Variants in PARVA observed in about 807,000 individuals in gnomAD.
PARVA encodes the protein parvin alpha.
PARVA carries 25 observed loss-of-function variants against 52.6 expected under a neutral mutation model. The observed-to-expected ratio is 0.48, with a 90% CI of 0.35 to 0.66. PARVA has a LOEUF of 0.66. Ranked by LOEUF, PARVA falls within the 30% of genes least tolerant of loss-of-function variation. The pLI is 0.01. For synonymous variants in PARVA, 185 were observed against 179.1 expected (o/e 1.03, Z -0.26); for missense variants, 373 against 450.9 (o/e 0.83, Z 1.56).
intron 7 of PARVA, among the ~76,000 whole-genome samples, chr11:12,509,791 C>G (rs1254579374): frequency 1.3e-5 from 2 of 152,250 alleles, no homozygotes; most frequent in Non-Finnish European, 1.5e-5. Flanking sequence ...ATCTATAGGG[C>G]ACACCTTGGC....
intron 3 of PARVA, among the ~76,000 whole-genome samples, chr11:12,474,607 C>T (rs749449526): frequency 7.2e-5 from 11 of 152,170 alleles, no homozygotes; most frequent in Admixed American, 5.9e-4. Context: ...CCAAGGCGGG[C>T]GGATCACTTG....
At chr11:12,495,275 T>C (rs1941285650) in intron 4 of PARVA, among the ~76,000 whole-genome samples, 1 of 152,154 alleles carries the variant, frequency 6.6e-6, no homozygotes, top group African/African-American at 2.4e-5. Flanking sequence ...AATTCGCAAA[T>C]CCACAGAACC....
chr11:12,525,124 A>G (rs1234868612), intron 12 of PARVA, among the ~76,000 whole-genome samples: 1 of 152,146 alleles, frequency 6.6e-6, no homozygotes, highest in Admixed American at 6.5e-5. Flanking sequence ...ATAGTGAGGG[A>G]GGCAGTGTGG....
intron 1 of PARVA, among the ~76,000 whole-genome samples, chr11:12,436,044 G>A (rs1259316179): frequency 6.6e-6 from 1 of 151,966 alleles, no homozygotes; most frequent in African/African-American, 2.4e-5. Flanking sequence ...GGATGGTCTC[G>A]ATCTCCTGAC....
chr11:12,464,913 G>T (rs1295296265), intron 1 of PARVA, among the ~76,000 whole-genome samples: 2 of 152,128 alleles, frequency 1.3e-5, no homozygotes, highest in Admixed American at 6.5e-5. Context: ...TTGGGTCGGG[G>T]TTAGTTTCGG....
chr11:12,447,553 G>C (rs1447320008), intron 1 of PARVA, among the ~76,000 whole-genome samples: 4 of 152,182 alleles, frequency 2.6e-5, no homozygotes, highest in Non-Finnish European at 5.9e-5. Flanking sequence ...TGGGACAGCA[G>C]CTCCCATAAA....
At chr11:12,513,260 C>A in intron 8 of PARVA, 39 bp from the exon 9 acceptor site, 2 of 1,598,070 alleles carry the variant, frequency 1.3e-6, no homozygotes, top group Non-Finnish European at 1.7e-6. Context: ...TGCCAGGGAT[C>A]AGCTCTTGTG....
chr11:12,393,044 G>GAAAAAAAAAAA (rs60966710), intron 1 of PARVA, among the ~76,000 whole-genome samples: 5 of 46,126 alleles, frequency 1.1e-4, no homozygotes, highest in Non-Finnish European at 2.0e-4. Flanking sequence ...CCCAAATTGT[G>GAAAAAAAAAAA]AAAAAAAAAA....
intron 1 of PARVA, among the ~76,000 whole-genome samples, chr11:12,439,333 A>G (rs1940430076): frequency 6.6e-6 from 1 of 152,224 alleles, no homozygotes. Flanking sequence ...CTATCTCTAT[A>G]GACTTTGGTA....
At chr11:12,472,928 G>T (rs758028148) in intron 1 of PARVA, among the ~76,000 whole-genome samples, 1 of 152,184 alleles carries the variant, frequency 6.6e-6, no homozygotes, top group Non-Finnish European at 1.5e-5. Flanking sequence ...TTGTACTAAG[G>T]CTCCATGTGG....
chr11:12,527,890 T>C lies in PARVA; in HGVS notation c.1084T>C (p.Tyr362His), dbSNP rs1393029237. Residue 362 changes from tyrosine to histidine, a missense_variant, in exon 13 of 13, where the codon TAC (tyrosine) becomes CAC (histidine). Transcript: ENST00000334956. ...CCTGAAATCTACACTACGAGTGTTG[T>C]ACAACCTCTTCACCAAGTACCGTAA... Reference protein sequence around the residue: ...CDLKSTLRVLYNLFTKYRNVE With the variant: ...CDLKSTLRVLHNLFTKYRNVE 6.2e-7 allele frequency: 1 copy of C among 1,613,340 alleles called. No individual in the cohort carries two copies. Among genetic ancestry groups the C allele is most frequent in the Admixed American group, 1.7e-5 (1 of 60,014 alleles).
intron 1 of PARVA, among the ~76,000 whole-genome samples, chr11:12,451,966 T>C (rs1401469778): frequency 6.6e-6 from 1 of 152,024 alleles, no homozygotes; most frequent in Non-Finnish European, 1.5e-5. Flanking sequence ...GATTCCTCCT[T>C]CTAGGGCTTT....
At chr11:12,385,046 C>A (rs1939551738) in intron 1 of PARVA, among the ~76,000 whole-genome samples, 1 of 152,068 alleles carries the variant, frequency 6.6e-6, no homozygotes, top group Admixed American at 6.5e-5. Context: ...CAAAAGGTTT[C>A]TAGAATGAGG....
At chr11:12,506,814 C>A (rs777920894) in intron 6 of PARVA, among the ~76,000 whole-genome samples, 1 of 152,210 alleles carries the variant, frequency 6.6e-6, no homozygotes, top group Non-Finnish European at 1.5e-5. Context: ...CTTTAGGGAA[C>A]AAATAATGGG....
chr11:12,487,737 A>C (rs1489843695), intron 4 of PARVA, among the ~76,000 whole-genome samples: 1 of 152,222 alleles, frequency 6.6e-6, no homozygotes, highest in Non-Finnish European at 1.5e-5. Flanking sequence ...TTTTATTATT[A>C]TTCTTTATAA....
intron 1 of PARVA, among the ~76,000 whole-genome samples, chr11:12,399,443 T>A (rs868745410): frequency 1.3e-5 from 2 of 152,326 alleles, no homozygotes; most frequent in Middle Eastern, 3.4e-3. Context: ...GTCAAGCTGG[T>A]CTATACCCTG....
chr11:12,392,321 T>A (rs2134955288), intron 1 of PARVA, among the ~76,000 whole-genome samples: 1 of 149,246 alleles, frequency 6.7e-6, no homozygotes, highest in African/African-American at 2.5e-5. Flanking sequence ...CAGGCTGGAG[T>A]GCAGTGGCGC....
At chr11:12,471,758 G>A (rs559839841) in intron 1 of PARVA, among the ~76,000 whole-genome samples, 1 of 152,352 alleles carries the variant, frequency 6.6e-6, no homozygotes, top group East Asian at 1.9e-4. Flanking sequence ...CAGCTACGGA[G>A]CGGAATTTTT....
At chr11:12,485,044 G>A (rs986649483) in intron 4 of PARVA, among the ~76,000 whole-genome samples, 1 of 152,050 alleles carries the variant, frequency 6.6e-6, no homozygotes, top group African/African-American at 2.4e-5. Context: ...AAACTACTGG[G>A]CTCAAATGAT....
Sources: allele counts gnomAD v4.1 joint callset (sites outside exome capture counted in the v4.1 genomes callset), GRCh38; gene constraint gnomAD v4.1.1; transcripts MANE v1.5; gene names NCBI Gene and HGNC (gene_info 2026-07-23, HGNC 2026-07-21).